Variants in SHROOM3 observed in about 807,000 individuals in gnomAD.
The protein encoded by SHROOM3 is shroom family member 3.
SHROOM3 carries 47 observed loss-of-function variants against 138.6 expected under a neutral mutation model. The observed-to-expected ratio is 0.34, with a 90% confidence interval of 0.27 to 0.43. SHROOM3 has a LOEUF of 0.43. SHROOM3 is among the 20% of genes least tolerant of loss of function. SHROOM3 has a pLI of 1.00. For missense variants in SHROOM3, 2,491 were observed against 2,596.5 expected (o/e 0.96, Z 0.88); for synonymous variants, 1,062 against 1,063.3 (o/e 1.00, Z 0.02).
chr4:76,687,332 C>T (rs992056158), intron 2 of SHROOM3, among the ~76,000 whole-genome samples: 1 of 152,118 alleles, frequency 6.6e-6, no homozygotes, highest in Admixed American at 6.5e-5. Flanking sequence ...AAAATGCTTT[C>T]GATTCTAATG....
chr4:76,549,943 TGGA>T (rs1190150483), intron 1 of SHROOM3, among the ~76,000 whole-genome samples: 1 of 152,124 alleles, frequency 6.6e-6, no homozygotes, highest in African/African-American at 2.4e-5. Context: ...CCTTTAGGAG[TGGA>T]TCCTCTGGAG....
intron 2 of SHROOM3, among the ~76,000 whole-genome samples, chr4:76,585,635 C>G (rs1013230625): frequency 6.6e-6 from 1 of 152,212 alleles, no homozygotes; most frequent in African/African-American, 2.4e-5. Flanking sequence ...TCGCACCCCA[C>G]TGTGCTGAAT....
intron 3 of SHROOM3, among the ~76,000 whole-genome samples, chr4:76,711,802 A>G (rs1271409430): frequency 6.6e-6 from 1 of 151,686 alleles, no homozygotes. Context: ...CAACACTTGT[A>G]TTGGGGTGTT....
chr4:76,725,929 A>G (rs1392803922), intron 3 of SHROOM3, among the ~76,000 whole-genome samples: 1 of 152,064 alleles, frequency 6.6e-6, no homozygotes, highest in Non-Finnish European at 1.5e-5. Context: ...AAACAAAAAC[A>G]TTAGGAACAA....
intron 1 of SHROOM3, among the ~76,000 whole-genome samples, chr4:76,540,073 C>A (rs1166261687): frequency 6.6e-6 from 1 of 152,198 alleles, no homozygotes; most frequent in Non-Finnish European, 1.5e-5. Flanking sequence ...GTCTTGAACT[C>A]CTGACCTGAG....
At chr4:76,517,244 A>G (rs76335476) in intron 1 of SHROOM3, among the ~76,000 whole-genome samples, 5,222 of 152,222 alleles carry the variant, frequency 0.034, 106 homozygotes, top group Middle Eastern at 0.065. Flanking sequence ...CTTGGGTCAT[A>G]CCCTTGTCAT....
At position 76,740,786 on chromosome 4, in the gene SHROOM3, G is replaced by T. The variant is rs773115510; in HGVS notation, c.2613G>T (p.Ala871=). ...GCGGTCAGCAGCTGAGCGGAGGAGC[G>T]TCGGACAGCGGCCGTGGCCCCCAGA... ...QPCGQQLSGG[A]SDSGRGPQRP... The change falls in exon 5 of 11, where the codon GCG becomes GCT. Residue 871 remains alanine, a synonymous_variant. Transcript: ENST00000296043. This position sits in a 1 kb window ranked among gnomAD's most constrained non-coding sequence, Gnocchi z 4.0. 1 of 1,611,284 alleles carries T rather than the reference G, an allele frequency of 6.2e-7. No homozygotes were observed. Among genetic ancestry groups the T allele is most frequent in the Non-Finnish European group, 8.5e-7 (1 of 1,179,182 alleles).
At chr4:76,472,359 T>C (rs552014860) in intron 1 of SHROOM3, among the ~76,000 whole-genome samples, 1 of 152,338 alleles carries the variant, frequency 6.6e-6, no homozygotes, top group Admixed American at 6.5e-5. Context: ...TCAAATATTA[T>C]AATAAATGCT....
chr4:76,538,104 C>T (rs1285749028), intron 1 of SHROOM3, among the ~76,000 whole-genome samples: 1 of 152,056 alleles, frequency 6.6e-6, no homozygotes, highest in African/African-American at 2.4e-5. Context: ...GCCAGGGTTT[C>T]ACCAGGCTGG....
intron 1 of SHROOM3, among the ~76,000 whole-genome samples, chr4:76,469,265 A>G (rs1731315418): frequency 6.6e-6 from 1 of 152,090 alleles, no homozygotes. Context: ...GGTTTTGACT[A>G]TAGGTCCTAG....
chr4:76,442,200 T>G (rs1730706283), intron 1 of SHROOM3, among the ~76,000 whole-genome samples: 1 of 152,208 alleles, frequency 6.6e-6, no homozygotes, highest in African/African-American at 2.4e-5. Flanking sequence ...TAATAAATGT[T>G]AAATGACTTA....
chr4:76,526,286 G>A (rs1472762389), intron 1 of SHROOM3, among the ~76,000 whole-genome samples: 1 of 152,182 alleles, frequency 6.6e-6, no homozygotes, highest in Non-Finnish European at 1.5e-5. Context: ...AGAATTGCTT[G>A]AACCTGGCAG....
chr4:76,771,028 A>C, intron 10 of SHROOM3, 130 bp downstream of exon 10: 1 of 1,187,346 alleles, frequency 8.4e-7, no homozygotes, highest in Admixed American at 1.8e-5. Context: ...GAGAGAATAC[A>C]TGTATAGGTA....
intron 2 of SHROOM3, among the ~76,000 whole-genome samples, chr4:76,635,799 G>T (rs2110076723): frequency 6.6e-6 from 1 of 152,316 alleles, no homozygotes; most frequent in Middle Eastern, 3.4e-3. Flanking sequence ...GAGATGTGAG[G>T]TCCTCTGGAT....
intron 1 of SHROOM3, among the ~76,000 whole-genome samples, chr4:76,494,034 G>A (rs1454686710): frequency 6.6e-6 from 1 of 152,098 alleles, no homozygotes. Context: ...TGTCGTTTTG[G>A]CATCCTTTTT....
chr4:76,599,002 G>A (rs546957611), intron 2 of SHROOM3, among the ~76,000 whole-genome samples: 1 of 152,172 alleles, frequency 6.6e-6, no homozygotes, highest in South Asian at 2.1e-4. Context: ...AGGAAAGGAA[G>A]TGGTGCATTG....
At chr4:76,603,903 C>T (rs926133469) in intron 2 of SHROOM3, among the ~76,000 whole-genome samples, 7 of 137,700 alleles carry the variant, frequency 5.1e-5, no homozygotes, top group Admixed American at 1.6e-4. Flanking sequence ...AGTGCAGTGG[C>T]GCGATCTCAG....
At chr4:76,610,115 CT>C (rs1734731266) in intron 2 of SHROOM3, among the ~76,000 whole-genome samples, 1 of 152,252 alleles carries the variant, frequency 6.6e-6, no homozygotes, top group South Asian at 2.1e-4. Flanking sequence ...TGACCATCAT[CT>C]GTCAAACCAA....
At chr4:76,494,607 CAT>C (rs1340767923) in intron 1 of SHROOM3, among the ~76,000 whole-genome samples, 20 of 152,216 alleles carry the variant, frequency 1.3e-4, no homozygotes, top group African/African-American at 4.3e-4. Context: ...GATACTGACA[CAT>C]GTGTGGCACA....
Sources: gnomAD v4.1 joint callset for allele counts (sites outside exome capture counted in the v4.1 genomes callset) on GRCh38, gnomAD v4.1.1 for gene constraint, Gnocchi (gnomAD v3.1) non-coding constraint, MANE v1.5 for transcripts, NCBI Gene and HGNC (gene_info 2026-07-23, HGNC 2026-07-21) for gene names.